Variants in TVP23A observed in about 807,000 individuals in gnomAD.
TVP23A encodes trans-golgi network vesicle protein 23 homolog A, also known as Golgi apparatus membrane protein TVP23 homolog A.
In TVP23A, 21 loss-of-function variants were observed where a neutral mutation model predicts 31.7. That is an observed-to-expected ratio of 0.66 (90% CI 0.47 to 0.95). The LOEUF (loss-of-function observed/expected upper bound fraction) is 0.95. Ranked by LOEUF, TVP23A falls within the 40% of genes least tolerant of loss-of-function variation. The probability of loss-of-function intolerance (pLI) is 0.00; values close to 1 mark genes in which losing one functional copy is unlikely to be tolerated. For missense variants in TVP23A, 279 were observed against 255.6 expected (o/e 1.09, Z -0.62); for synonymous variants, 104 against 96.0 (o/e 1.08, Z -0.49).
downstream of TVP23A, among the ~76,000 whole-genome samples, chr16:10,758,537 G>A (rs1285158447): frequency 1.3e-5 from 2 of 152,100 alleles, no homozygotes; most frequent in African/African-American, 4.8e-5. Context: ...ACCATTCAAC[G>A]ATTTGGTTTT....
At chr16:10,817,907 A>G (rs931601894) in intron 2 of TVP23A, among the ~76,000 whole-genome samples, 196 bp downstream of exon 2, 2 of 151,314 alleles carry the variant, frequency 1.3e-5, no homozygotes, top group Admixed American at 1.3e-4. Context: ...TTCAACATCA[A>G]CTCCACCCCT....
chr16:10,814,494 G>T (rs901485330), intron 2 of TVP23A, among the ~76,000 whole-genome samples: 1 of 152,024 alleles, frequency 6.6e-6, no homozygotes, highest in African/African-American at 2.4e-5. Context: ...CCAGCAAGGC[G>T]GGCCGATTCT....
intron 2 of TVP23A, among the ~76,000 whole-genome samples, chr16:10,810,407 C>T (rs986472026): frequency 4.0e-5 from 6 of 151,694 alleles, no homozygotes; most frequent in African/African-American, 1.2e-4. Context: ...ATTAGGCAGG[C>T]GTGGTGGTGC....
At chr16:10,790,666 A>G (rs939056135) in intron 2 of TVP23A, among the ~76,000 whole-genome samples, 1 of 152,196 alleles carries the variant, frequency 6.6e-6, no homozygotes, top group African/African-American at 2.4e-5. Flanking sequence ...GTCACGATAT[A>G]TAGGGTTAAA....
intron 2 of TVP23A, among the ~76,000 whole-genome samples, chr16:10,812,764 GCA>G (rs1328223738): frequency 1.3e-5 from 2 of 152,100 alleles, no homozygotes; most frequent in Non-Finnish European, 2.9e-5. Flanking sequence ...TTGTTAAACG[GCA>G]CAGAGTTTCA....
intron 3 of TVP23A, 132 bp downstream of exon 3, chr16:10,774,820 A>T: frequency 1.3e-6 from 1 of 753,306 alleles, no homozygotes; most frequent in Non-Finnish European, 2.1e-6. Flanking sequence ...CATTCCCCTT[A>T]CTTTTAAGTG....
At chr16:10,772,212 T>A (rs535093185) in intron 5 of TVP23A, among the ~76,000 whole-genome samples, 1 of 152,150 alleles carries the variant, frequency 6.6e-6, no homozygotes. Flanking sequence ...GCCACCATCA[T>A]CATCCCATTT....
At chr16:10,798,283 G>T (rs1040180608) in intron 2 of TVP23A, among the ~76,000 whole-genome samples, 3 of 151,784 alleles carry the variant, frequency 2.0e-5, no homozygotes, top group African/African-American at 7.3e-5. Flanking sequence ...AAGTAATCAG[G>T]GAAGCAGACT....
At chr16:10,812,772 T>G (rs2034261558) in intron 2 of TVP23A, among the ~76,000 whole-genome samples, 1 of 151,956 alleles carries the variant, frequency 6.6e-6, no homozygotes, top group South Asian at 2.1e-4. Context: ...CGGCACAGAG[T>G]TTCAGTTTTG....
intron 2 of TVP23A, among the ~76,000 whole-genome samples, chr16:10,782,578 C>T (rs1480505020): frequency 1.3e-5 from 2 of 152,172 alleles, no homozygotes; most frequent in African/African-American, 2.4e-5. Context: ...TCAAGGCTCA[C>T]TGCAGCCTCG....
chr16:10,776,227 T>C (rs2032010418), intron 2 of TVP23A, among the ~76,000 whole-genome samples: 1 of 151,528 alleles, frequency 6.6e-6, no homozygotes, highest in Non-Finnish European at 1.5e-5. Flanking sequence ...ATACAAAAAT[T>C]AGCTGGGCAT....
At chr16:10,804,790 C>G (rs1019770330) in intron 2 of TVP23A, among the ~76,000 whole-genome samples, 1 of 152,098 alleles carries the variant, frequency 6.6e-6, no homozygotes, top group African/African-American at 2.4e-5. Flanking sequence ...TTTTAAAAAC[C>G]AATTTAGTGA....
chr16:10,813,470 C>T lies in TVP23A; in HGVS notation c.89+4633G>A, dbSNP rs76846802. ...TGGATCATGGGCCCATTTGATAATC[C>T]AATTAATGTTTGGATCCTTTGGGAG... On this transcript the variant is annotated intron_variant, in intron 2 of 7. Transcript: ENST00000299866. 3.6e-3 allele frequency among the ~76,000 whole-genome samples: 549 copies of T among 152,206 alleles called. 2 individuals carry two copies. Among genetic ancestry groups the T allele is most frequent in the African/African-American group, 0.013 (528 of 41,524 alleles).
intron 2 of TVP23A, among the ~76,000 whole-genome samples, chr16:10,815,491 A>G (rs1412311449): frequency 6.6e-6 from 1 of 152,194 alleles, no homozygotes; most frequent in African/African-American, 2.4e-5. Context: ...CCTGCAAACC[A>G]GTGGTTTTCA....
At chr16:10,795,724 CTGGATCCCTT>C in intron 2 of TVP23A, among the ~76,000 whole-genome samples, 1 of 152,310 alleles carries the variant, frequency 6.6e-6, no homozygotes, top group South Asian at 2.1e-4. Flanking sequence ...GTTTCTCCTT[CTGGATCCCTT>C]CAGCTCACAA....
In TVP23A at chr16:10,771,814, G is replaced by T; in HGVS notation, c.454-16C>A. The T allele has an allele frequency of 6.4e-7, 1 of 1,556,300 alleles. No individual in the cohort carries two copies. Among genetic ancestry groups the T allele is most frequent in the African/African-American group, 1.4e-5 (1 of 73,392 alleles). ...CCACCAGAGCCTGCACTCAGACAAA[G>T]AAAGCAAAGGTCACTTTTTTTTGAG... On this transcript the variant is annotated splice_polypyrimidine_tract_variant and intron_variant, in intron 5 of 7. Transcript: ENST00000299866.
At chr16:10,758,411 T>C (rs1900719024), downstream of TVP23A, among the ~76,000 whole-genome samples, 1 of 152,186 alleles carries the variant, frequency 6.6e-6, no homozygotes, top group Non-Finnish European at 1.5e-5. Flanking sequence ...GAAAGGAGGT[T>C]GCAGTGAGCC....
At chr16:10,769,252 C>T in intron 7 of TVP23A, 151 bp from the exon 8 acceptor site, 1 of 633,394 alleles carries the variant, frequency 1.6e-6, no homozygotes, top group Non-Finnish European at 2.8e-6. Context: ...TTCTCAGAGA[C>T]ACTTTAATCA....
chr16:10,815,722 G>C lies in TVP23A; in HGVS notation c.89+2381C>G, dbSNP rs181014693. The stretch of plus-strand genomic sequence containing the variant: ...TGGGCAATCTGTAAAGGCAGGAGTG[G>C]GGTCCTGAACACTGCATTTCCCCAG... On this transcript the variant is annotated intron_variant, in intron 2 of 7. Coordinates refer to ENST00000299866, the MANE Select transcript of TVP23A (RefSeq NM_001079512.4). Among the ~76,000 whole-genome samples the C allele has an allele frequency of 2.2e-4, 33 of 152,268 alleles. No individual in the cohort carries two copies. The East Asian group carries it at 4.6e-3, about 21-fold the overall frequency.
Sources: allele counts gnomAD v4.1 joint callset (sites outside exome capture counted in the v4.1 genomes callset), GRCh38; gene constraint gnomAD v4.1.1; transcripts MANE v1.5; gene names NCBI Gene and HGNC (gene_info 2026-07-23, HGNC 2026-07-21).